Variants in CNTN5 observed in about 807,000 individuals in gnomAD.
CNTN5 encodes the protein contactin-5.
A neutral mutation model predicts 129.1 loss-of-function variants in CNTN5; 77 were observed. The ratio of observed to expected loss-of-function variants is 0.60; its 90% CI spans 0.50 to 0.72. The LOEUF is 0.72. Ranked by LOEUF, CNTN5 falls within the 30% of genes least tolerant of loss-of-function variation. CNTN5 has a pLI of 0.00. For missense variants in CNTN5, 1,478 were observed against 1,328.8 expected, an observed-to-expected ratio of 1.11 and a Z score of -1.75; for synonymous variants, 509 against 465.6, an observed-to-expected ratio of 1.09 and a Z score of -1.20.
chr11:99,893,586 G>A (rs1055408190), intron 6 of CNTN5, among the ~76,000 whole-genome samples: 2 of 152,142 alleles, frequency 1.3e-5, no homozygotes, highest in African/African-American at 4.8e-5. Context: ...TGATGCCTCT[G>A]TGTTCATGGC....
At chr11:99,646,375 A>T (rs1473488087) in intron 3 of CNTN5, among the ~76,000 whole-genome samples, 3 of 152,172 alleles carry the variant, frequency 2.0e-5, no homozygotes, top group Non-Finnish European at 4.4e-5. Context: ...TTCTATCTGC[A>T]TTGACACTTT....
intron 2 of CNTN5, among the ~76,000 whole-genome samples, chr11:99,410,065 C>T (rs1309756039): frequency 6.6e-6 from 1 of 152,110 alleles, no homozygotes; most frequent in Non-Finnish European, 1.5e-5. Context: ...AATATCATAA[C>T]CTTGTTGGAG....
At position 99,916,131 on chromosome 11, in the gene CNTN5, C is replaced by T. The variant is rs202192670; in HGVS notation, c.655C>T (p.Pro219Ser). ...CCAGGGTGTCGTTCTGATGTGCTCT[C>T]CTCCGCCACATTCACCAGGTACAGT... Reference protein sequence around the residue: ...EGQGVVLMCSPPPHSPEIIYS... With the variant: ...EGQGVVLMCSSPPHSPEIIYS... Residue 219 changes from proline to serine, a missense_variant, in exon 7 of 25, where the codon CCT becomes TCT. Coordinates refer to ENST00000524871, the MANE Select transcript of CNTN5 (RefSeq NM_014361.4). 16 of 1,611,750 alleles carry T rather than the reference C, an allele frequency of 9.9e-6. No individual in the cohort carries two copies. In the East Asian group the frequency reaches 1.3e-4, roughly 14 times the overall value.
At chr11:99,142,524 C>T (rs1859573153) in intron 1 of CNTN5, among the ~76,000 whole-genome samples, 1 of 152,046 alleles carries the variant, frequency 6.6e-6, no homozygotes, top group Admixed American at 6.6e-5. Context: ...GCATCTGAGG[C>T]TGCATTCCAA....
At chr11:99,300,187 C>A (rs1468027300) in intron 1 of CNTN5, among the ~76,000 whole-genome samples, 1 of 152,030 alleles carries the variant, frequency 6.6e-6, no homozygotes, top group Non-Finnish European at 1.5e-5. Flanking sequence ...GGCGTCCTTG[C>A]CTTGTTCCAC....
chr11:99,374,949 T>G (rs932706885), intron 2 of CNTN5, among the ~76,000 whole-genome samples: 4 of 152,176 alleles, frequency 2.6e-5, no homozygotes, highest in African/African-American at 9.7e-5. Flanking sequence ...GGTGCTCAAC[T>G]TTTGTTTTCA....
At chr11:99,795,156 A>T (rs1945888897) in intron 3 of CNTN5, among the ~76,000 whole-genome samples, 1 of 152,066 alleles carries the variant, frequency 6.6e-6, no homozygotes, top group South Asian at 2.1e-4. Flanking sequence ...GTCTGACTAC[A>T]TTCTGTTAGA....
intron 6 of CNTN5, among the ~76,000 whole-genome samples, chr11:99,864,594 A>G (rs373601716): frequency 7.9e-5 from 12 of 151,976 alleles, no homozygotes; most frequent in Non-Finnish European, 1.5e-4. Context: ...GGATCTTCCT[A>G]TGTTTCCCTC....
At chr11:99,413,785 A>T (rs1249579922) in intron 2 of CNTN5, among the ~76,000 whole-genome samples, 1 of 152,200 alleles carries the variant, frequency 6.6e-6, no homozygotes, top group Non-Finnish European at 1.5e-5. Context: ...ATAGGTGTTT[A>T]TAAAGTTGGG....
At chr11:99,835,680 G>C (rs1051747734) in intron 4 of CNTN5, among the ~76,000 whole-genome samples, 2 of 152,158 alleles carry the variant, frequency 1.3e-5, no homozygotes, top group African/African-American at 4.8e-5. Flanking sequence ...CCCATTTTCA[G>C]AATATGGCCA....
chr11:99,717,826 C>T (rs1943030784), intron 3 of CNTN5, among the ~76,000 whole-genome samples: 2 of 152,030 alleles, frequency 1.3e-5, no homozygotes, highest in Non-Finnish European at 2.9e-5. Context: ...GAACAGAATG[C>T]TTATCAAAAA....
chr11:99,990,688 A>G (rs1939026300), intron 8 of CNTN5, among the ~76,000 whole-genome samples: 4 of 152,102 alleles, frequency 2.6e-5, no homozygotes, highest in Non-Finnish European at 5.9e-5. Context: ...ACACTTTTTG[A>G]GGTGAGAAAA....
chr11:100,067,126 A>G (rs1046015948), intron 10 of CNTN5, among the ~76,000 whole-genome samples: 2 of 152,098 alleles, frequency 1.3e-5, no homozygotes, highest in African/African-American at 4.8e-5. Flanking sequence ...AAGCTGATCT[A>G]GTATTGAACA....
intron 3 of CNTN5, among the ~76,000 whole-genome samples, chr11:99,761,120 G>A (rs185229028): frequency 7.6e-4 from 116 of 152,122 alleles, no homozygotes; most frequent in South Asian, 4.1e-3. Flanking sequence ...ATGTGTAGAA[G>A]GTAATTATAA....
chr11:99,755,919 C>A (rs1328331075), intron 3 of CNTN5, among the ~76,000 whole-genome samples: 1 of 152,002 alleles, frequency 6.6e-6, no homozygotes, highest in Non-Finnish European at 1.5e-5. Context: ...TAGAAATATT[C>A]AATAGCTTTT....
chr11:99,253,359 G>C (rs762585019), intron 1 of CNTN5, among the ~76,000 whole-genome samples: 1 of 152,002 alleles, frequency 6.6e-6, no homozygotes, highest in African/African-American at 2.4e-5. Context: ...TCTCAGATAT[G>C]TCTTTATTAG....
intron 13 of CNTN5, 91 bp from the exon 14 acceptor site, chr11:100,191,035 C>A: frequency 1.2e-6 from 1 of 800,726 alleles, no homozygotes. Context: ...TATTATCACC[C>A]TAGAAATGGT....
chr11:100,177,904 C>T (rs1457266806), intron 13 of CNTN5, among the ~76,000 whole-genome samples: 1 of 152,092 alleles, frequency 6.6e-6, no homozygotes, highest in Non-Finnish European at 1.5e-5. Context: ...CAAGTTCTCT[C>T]TCTTCTGACC....
chr11:99,069,179 TC>T (rs1865230731), intron 1 of CNTN5, among the ~76,000 whole-genome samples: 1 of 152,142 alleles, frequency 6.6e-6, no homozygotes, highest in Non-Finnish European at 1.5e-5. Flanking sequence ...GGTGTTTTTT[TC>T]CCCAAATTGA....
Sources: allele counts gnomAD v4.1 joint callset (sites outside exome capture counted in the v4.1 genomes callset), GRCh38; gene constraint gnomAD v4.1.1; transcripts MANE v1.5; gene names NCBI Gene and HGNC (gene_info 2026-07-23, HGNC 2026-07-21).